Variants in LRRC4C observed in about 807,000 individuals in gnomAD.
The protein encoded by LRRC4C is leucine rich repeat containing 4C.
LRRC4C carries 5 observed loss-of-function variants against 33.6 expected under a neutral mutation model. That is an observed-to-expected ratio of 0.15 (90% confidence interval 0.08 to 0.31). LRRC4C has a LOEUF of 0.31. Among genes scored for constraint, LRRC4C ranks in the 10% least tolerant of loss-of-function variants. The pLI is 1.00. For synonymous variants in LRRC4C, 329 were observed against 302.0 expected, an observed-to-expected ratio of 1.09 and a Z score of -0.93; for missense variants, 560 against 796.7, an observed-to-expected ratio of 0.70 and a Z score of 3.58.
intron 1 of LRRC4C, among the ~76,000 whole-genome samples, chr11:41,225,242 T>G (rs1466527155): frequency 6.6e-6 from 1 of 152,078 alleles, no homozygotes; most frequent in African/African-American, 2.4e-5. Context: ...CACAACAGGG[T>G]GACTATAGTC....
At chr11:40,117,042 T>A (rs1406804447) in intron 6 of LRRC4C, among the ~76,000 whole-genome samples, 1 of 152,204 alleles carries the variant, frequency 6.6e-6, no homozygotes, top group Non-Finnish European at 1.5e-5. Context: ...GAATTGCCAT[T>A]CTTTTCATTT....
At chr11:40,858,578 CAGTT>C (rs1488337310) in intron 2 of LRRC4C, among the ~76,000 whole-genome samples, 1 of 150,334 alleles carries the variant, frequency 6.7e-6, no homozygotes, top group African/African-American at 2.5e-5. Flanking sequence ...GCCTGTAACA[CAGTT>C]ACTCTGGTGG....
chr11:41,339,569 G>A (rs2137452156), intron 1 of LRRC4C, among the ~76,000 whole-genome samples: 1 of 152,250 alleles, frequency 6.6e-6, no homozygotes, highest in African/African-American at 2.4e-5. Flanking sequence ...CATTTCTTCA[G>A]CACCCTCTGC....
At chr11:40,667,593 G>A (rs1054280247) in intron 2 of LRRC4C, among the ~76,000 whole-genome samples, 1 of 152,192 alleles carries the variant, frequency 6.6e-6, no homozygotes. Flanking sequence ...TGTTAGGCTG[G>A]AAGAAGTAAG....
At chr11:40,718,446 G>C (rs1323673742) in intron 2 of LRRC4C, among the ~76,000 whole-genome samples, 1 of 152,114 alleles carries the variant, frequency 6.6e-6, no homozygotes, top group East Asian at 1.9e-4. Flanking sequence ...TTTAATAATA[G>C]AATTGCAAAC....
intron 1 of LRRC4C, among the ~76,000 whole-genome samples, chr11:41,223,771 T>C (rs988204030): frequency 6.6e-6 from 1 of 152,184 alleles, no homozygotes; most frequent in African/African-American, 2.4e-5. Context: ...CATGAACCCA[T>C]TGACTCTGCC....
chr11:40,797,759 A>G (rs567039799), intron 2 of LRRC4C, among the ~76,000 whole-genome samples: 111 of 152,248 alleles, frequency 7.3e-4, no homozygotes, highest in African/African-American at 2.6e-3. Context: ...AATTTTGTAG[A>G]TGGATTGCCA....
intron 1 of LRRC4C, among the ~76,000 whole-genome samples, chr11:41,325,574 TTTTTGTGTGTGTGTG>T (rs1323761568): frequency 3.0e-5 from 3 of 99,982 alleles, no homozygotes; most frequent in East Asian, 6.1e-4. Flanking sequence ...TAGTTTTTTT[TTTTTGTGTGTGTGTG>T]TGTGTGTGTG....
chr11:40,471,999 A>G (rs1455839260), intron 3 of LRRC4C, among the ~76,000 whole-genome samples: 1 of 152,204 alleles, frequency 6.6e-6, no homozygotes, highest in South Asian at 2.1e-4. Flanking sequence ...ACTCAGGATT[A>G]AGAAACTCAC....
intron 3 of LRRC4C, among the ~76,000 whole-genome samples, chr11:40,608,274 GC>G (rs1960842472): frequency 6.6e-6 from 1 of 152,066 alleles, no homozygotes; most frequent in South Asian, 2.1e-4. Flanking sequence ...AGTGTAGAGT[GC>G]TTTTATGTAA....
At chr11:40,824,573 T>C (rs1952077457) in intron 2 of LRRC4C, among the ~76,000 whole-genome samples, 2 of 151,912 alleles carry the variant, frequency 1.3e-5, no homozygotes, top group Non-Finnish European at 2.9e-5. Context: ...GAGCTCTGTT[T>C]TTCTAACTAT....
chr11:40,974,523 T>G (rs1264271179), intron 1 of LRRC4C, among the ~76,000 whole-genome samples: 1 of 152,184 alleles, frequency 6.6e-6, no homozygotes, highest in Non-Finnish European at 1.5e-5. Context: ...AAATCCTACT[T>G]TAGAACAATT....
At position 41,057,152 on chromosome 11, in the gene LRRC4C, C is replaced by T. The variant is rs1166092719; in HGVS notation, c.-495-123429G>A. Among the ~76,000 whole-genome samples the T allele has an allele frequency of 2.0e-5, 3 of 152,204 alleles. No individual in the cohort carries two copies. In the East Asian group the frequency reaches 5.8e-4, roughly 29 times the overall value. On this transcript the variant is annotated intron_variant, in intron 1 of 6. Coordinates refer to ENST00000528697, the MANE Select transcript of LRRC4C (RefSeq NM_001258419.2). ...CCCCCCATTCCCCGACCTTCGCAGG[C>T]TTGGAAATGCCTGCTCCCGCTGCTT...
Position 41,149,497 on chromosome 11 carries a change from G to A in LRRC4C, c.-495-215774C>T, listed in dbSNP as rs553644077. Among the ~76,000 whole-genome samples, 994 of 132,814 alleles carry A rather than the reference G, an allele frequency of 7.5e-3. 9 individuals are homozygous for A. Among genetic ancestry groups the A allele is most frequent in the African/African-American group, 0.027 (936 of 34,806 alleles). 87.1% of individuals were successfully genotyped at this position (132,814 alleles called of 152,430 possible). A position where few individuals can be genotyped will look rare whatever the true frequency, so the allele number is the denominator to read the frequency against. ...TGCACTCCAGCCTGGGCGACAGAGC[G>A]AGACTCCGTCTCCAAAAAAAAAAAA... On this transcript the variant is annotated intron_variant, in intron 1 of 6. Coordinates refer to ENST00000528697, the MANE Select transcript of LRRC4C (RefSeq NM_001258419.2).
chr11:40,863,114 A>G (rs12294328), intron 2 of LRRC4C, among the ~76,000 whole-genome samples: 67,726 of 152,126 alleles, frequency 0.45, 17,632 homozygotes, highest in African/African-American at 0.73. Flanking sequence ...AGCACAAAAG[A>G]CTGAGCAGAG....
intron 3 of LRRC4C, among the ~76,000 whole-genome samples, chr11:40,520,561 T>A (rs1955767396): frequency 6.6e-6 from 1 of 152,206 alleles, no homozygotes; most frequent in African/African-American, 2.4e-5. Context: ...CATTTATTGA[T>A]TAAATTGGCT....
chr11:40,659,298 T>G (rs1943297967), intron 2 of LRRC4C, among the ~76,000 whole-genome samples: 3 of 152,170 alleles, frequency 2.0e-5, no homozygotes, highest in Non-Finnish European at 4.4e-5. Context: ...GGAAGGAGGC[T>G]GGGTGGTGGC....
chr11:41,408,747 T>TAAAA (rs35914452), intron 1 of LRRC4C, among the ~76,000 whole-genome samples: 1 of 131,776 alleles, frequency 7.6e-6, no homozygotes, highest in Non-Finnish European at 1.6e-5. Context: ...TATATTTTTG[T>TAAAA]AAAAAAAAAA....
At chr11:40,611,183 C>A (rs531166603) in intron 3 of LRRC4C, among the ~76,000 whole-genome samples, 3 of 151,624 alleles carry the variant, frequency 2.0e-5, no homozygotes, top group Non-Finnish European at 4.4e-5. Context: ...AGACATATAC[C>A]GATGAAACAG....
Sources: allele counts gnomAD v4.1 joint callset (sites outside exome capture counted in the v4.1 genomes callset), GRCh38; gene constraint gnomAD v4.1.1; transcripts MANE v1.5; gene names NCBI Gene and HGNC (gene_info 2026-07-23, HGNC 2026-07-21).